Variants in CACNA2D3 observed in about 807,000 individuals in gnomAD.
CACNA2D3 encodes the protein calcium voltage-gated channel auxiliary subunit alpha2delta 3, also known as voltage-dependent calcium channel subunit alpha-2/delta-3.
In CACNA2D3, 60 loss-of-function variants were observed where a neutral mutation model predicts 160.6. That is an observed-to-expected ratio of 0.37 (90% confidence interval 0.30 to 0.46). CACNA2D3 has a LOEUF of 0.46. Ranked by LOEUF, CACNA2D3 falls within the 20% of genes least tolerant of loss-of-function variation. The pLI is 1.00. For missense variants in CACNA2D3, 1,205 were observed against 1,365.0 expected (o/e 0.88, Z 1.85); for synonymous variants, 558 against 492.9 (o/e 1.13, Z -1.75).
At chr3:54,300,943 C>T (rs899397547) in intron 2 of CACNA2D3, among the ~76,000 whole-genome samples, 10 of 151,908 alleles carry the variant, frequency 6.6e-5, no homozygotes, top group Admixed American at 2.0e-4. Flanking sequence ...ATCATTTGAG[C>T]CCAGGAGTTT....
intron 14 of CACNA2D3, among the ~76,000 whole-genome samples, chr3:54,825,905 G>A (rs1559596804): frequency 2.0e-5 from 3 of 151,942 alleles, no homozygotes; most frequent in African/African-American, 7.3e-5. Context: ...TTCCTGTGTG[G>A]AAGATATACT....
intron 11 of CACNA2D3, among the ~76,000 whole-genome samples, chr3:54,697,645 C>T (rs943754938): frequency 3.3e-5 from 5 of 152,196 alleles, no homozygotes; most frequent in African/African-American, 4.8e-5. Context: ...AGGAATGGAG[C>T]CATGTGCACA....
intron 3 of CACNA2D3, among the ~76,000 whole-genome samples, chr3:54,347,625 C>G (rs1412013439): frequency 2.6e-5 from 4 of 151,710 alleles, no homozygotes. Context: ...TGTGCTGTGT[C>G]AGGACCAAAA....
chr3:54,726,614 T>C (rs1297381919), intron 11 of CACNA2D3, among the ~76,000 whole-genome samples: 3 of 152,044 alleles, frequency 2.0e-5, no homozygotes, highest in Non-Finnish European at 2.9e-5. Flanking sequence ...ACACCACACA[T>C]CTACAACAAT....
At position 54,969,812 on chromosome 3, in the gene CACNA2D3, G is replaced by T. The variant is rs779312630; in HGVS notation, c.2524G>T (p.Asp842Tyr). The T allele has an allele frequency of 3.1e-6, 5 of 1,613,248 alleles. No homozygotes were observed. In the South Asian group the frequency reaches 5.5e-5, roughly 18 times the overall value. Residue 842 changes from aspartate to tyrosine, a missense_variant, in exon 29 of 38, where the codon GAT becomes TAT. Physicochemically the swap from Asp to Tyr is radical, Grantham distance 160 (BLOSUM62 -3). This residue lies in a region of CACNA2D3 where 911 missense variants were observed against 1,002.2 expected (regional missense o/e 0.91). Transcript: ENST00000474759. Reference protein sequence around the residue: ...WTASRQCASLDGKCSISCDDE... With the variant: ...WTASRQCASLYGKCSISCDDE... ...TTTGCCTTCACAGTGTGCTTCCCTGGATGGCAAATGCTCCATCAGCTGTGA... is the reference window on the plus strand; with the variant it reads ...TTTGCCTTCACAGTGTGCTTCCCTGTATGGCAAATGCTCCATCAGCTGTGA...
chr3:54,244,361 G>C (rs1001986810), intron 2 of CACNA2D3, among the ~76,000 whole-genome samples: 3 of 152,252 alleles, frequency 2.0e-5, no homozygotes, highest in Non-Finnish European at 4.4e-5. Context: ...ATAGCAATTA[G>C]TTGAATGAGA....
intron 2 of CACNA2D3, among the ~76,000 whole-genome samples, chr3:54,296,810 G>A (rs145809213): frequency 6.9e-4 from 105 of 152,272 alleles, no homozygotes; most frequent in Middle Eastern, 6.8e-3. Flanking sequence ...TTGTGTTGTG[G>A]GGAAAAAGGA....
intron 13 of CACNA2D3, among the ~76,000 whole-genome samples, chr3:54,798,022 C>G: frequency 6.6e-6 from 1 of 152,196 alleles, no homozygotes; most frequent in East Asian, 1.9e-4. Flanking sequence ...GTGCCCCTCT[C>G]CAACTTTGAA....
intron 5 of CACNA2D3, among the ~76,000 whole-genome samples, chr3:54,550,487 C>T (rs1346493939): frequency 2.6e-5 from 4 of 152,170 alleles, no homozygotes; most frequent in African/African-American, 7.2e-5. Flanking sequence ...TGTGGGCGGT[C>T]AAGGATACCA....
intron 9 of CACNA2D3, among the ~76,000 whole-genome samples, chr3:54,595,318 GT>G (rs1183883854): frequency 4.4e-5 from 5 of 113,808 alleles, no homozygotes; most frequent in African/African-American, 8.9e-5. Context: ...TGTGTGGTGT[GT>G]GTGTGTGTGT....
chr3:55,073,290 C>T (rs75891966), intron 35 of CACNA2D3, among the ~76,000 whole-genome samples, 155 bp from the exon 36 acceptor site: 2,677 of 152,172 alleles, frequency 0.018, 75 homozygotes, highest in African/African-American at 0.06. Context: ...AGTGAAGAGC[C>T]TCATGGAGAA....
intron 14 of CACNA2D3, among the ~76,000 whole-genome samples, chr3:54,833,665 G>A (rs1703927470): frequency 6.6e-6 from 1 of 152,074 alleles, no homozygotes; most frequent in Admixed American, 6.6e-5. Context: ...ATCATAAAGT[G>A]CTTACAGTGC....
intron 4 of CACNA2D3, among the ~76,000 whole-genome samples, chr3:54,467,283 C>T (rs548035669): frequency 6.6e-6 from 1 of 152,324 alleles, no homozygotes; most frequent in Non-Finnish European, 1.5e-5. Context: ...CATGGGCTCC[C>T]TTCTGTGCTG....
chr3:54,275,913 C>A (rs1702728876), intron 2 of CACNA2D3, among the ~76,000 whole-genome samples: 1 of 152,126 alleles, frequency 6.6e-6, no homozygotes, highest in African/African-American at 2.4e-5. Context: ...CAGGTGTGAG[C>A]CACTGCACCT....
chr3:54,697,228 C>T (rs775210215), intron 11 of CACNA2D3, among the ~76,000 whole-genome samples: 1 of 152,084 alleles, frequency 6.6e-6, no homozygotes, highest in South Asian at 2.1e-4. Context: ...CAGTGAGCTG[C>T]GATTGCACCA....
At chr3:54,654,696 G>A (rs904121889) in intron 11 of CACNA2D3, among the ~76,000 whole-genome samples, 3 of 152,138 alleles carry the variant, frequency 2.0e-5, no homozygotes, top group Non-Finnish European at 4.4e-5. Flanking sequence ...GGTCCTGTGG[G>A]GATGCGAATC....
At chr3:54,312,068 G>T (rs1703754526) in intron 2 of CACNA2D3, among the ~76,000 whole-genome samples, 3 of 152,152 alleles carry the variant, frequency 2.0e-5, no homozygotes, top group Admixed American at 6.5e-5. Flanking sequence ...CAGTGTCAGG[G>T]TTATTGGGGG....
At chr3:54,329,719 A>G (rs1409343992) in intron 3 of CACNA2D3, among the ~76,000 whole-genome samples, 1 of 152,244 alleles carries the variant, frequency 6.6e-6, no homozygotes, top group African/African-American at 2.4e-5. Context: ...TGTTACCATC[A>G]AGAGATCCAA....
chr3:54,436,739 T>A (rs976453461), intron 4 of CACNA2D3, among the ~76,000 whole-genome samples: 8 of 151,912 alleles, frequency 5.3e-5, no homozygotes, highest in African/African-American at 1.9e-4. Context: ...TGAGAATACA[T>A]AGACACAGGG....
Sources: gnomAD v4.1 joint callset for allele counts (sites outside exome capture counted in the v4.1 genomes callset) on GRCh38, gnomAD v4.1.1 for gene constraint, gnomAD v4.1.1 regional missense constraint, MANE v1.5 for transcripts, NCBI Gene and HGNC (gene_info 2026-07-23, HGNC 2026-07-21) for gene names.